The following OR1S1 variants were observed in gnomAD, a reference collection of about 807,000 sequenced individuals.
OR1S1 encodes the protein olfactory receptor family 1 subfamily S member 1, also known as olfactory receptor 1S1.
For missense variants in OR1S1, 411 were observed against 367.5 expected (o/e 1.12, Z -0.97); for synonymous variants, 156 against 143.9 (o/e 1.08, Z -0.60).
exon 2 of OR1S1, chr11:58,215,678 G>A (rs1852928891): frequency 6.2e-7 from 1 of 1,613,574 alleles, no homozygotes; most frequent in African/African-American, 1.3e-5. Flanking sequence ...GGATATGAAA[G>A]GTGCCCTGAG....
intron 1 of OR1S1, among the ~76,000 whole-genome samples, chr11:58,214,301 T>A (rs1200884635): frequency 6.6e-6 from 1 of 152,202 alleles, no homozygotes; most frequent in Non-Finnish European, 1.5e-5. Context: ...TACACTGCCA[T>A]AGTGATTCCT....
chr11:58,214,781 A>T, exon 2 of OR1S1: 1 of 1,613,908 alleles, frequency 6.2e-7, no homozygotes, highest in Non-Finnish European at 8.5e-7. Context: ...GATCGGCAGA[A>T]ATATGCATCA....
intron 1 of OR1S1, among the ~76,000 whole-genome samples, chr11:58,213,720 A>G (rs1342415608): frequency 2.0e-5 from 3 of 152,176 alleles, no homozygotes; most frequent in African/African-American, 7.2e-5. Flanking sequence ...TGTGCCTTAT[A>G]TGTGGCAGGC....
chr11:58,215,428 C>T, exon 2 of OR1S1: 1 of 1,614,158 alleles, frequency 6.2e-7, no homozygotes. Context: ...CACTCAGCTT[C>T]TTTTCCTATG....
At position 58,215,141 on chromosome 11, in the gene OR1S1, T is replaced by C. The variant is rs778131817; in HGVS notation, c.358T>C (p.Tyr120His). 3.0e-5 allele frequency: 48 copies of C among 1,614,068 alleles called. No individual in the cohort carries two copies. The highest frequency in any genetic ancestry group is 4.1e-5 in the Non-Finnish European group (48 of 1,180,018). ...CAATTTGCTCTTGGGGACCATGGCC[T>C]ATGACCACTTTGTGGCGATCTGCCA... Residue 120 changes from tyrosine (Y) to histidine (H), a missense_variant, in exon 2 of 2, where the codon TAT becomes CAT. Tyr to His is a moderately conservative substitution (Grantham distance 83). Transcript: ENST00000641544.
exon 2 of OR1S1, chr11:58,215,475 C>T (rs202009940): frequency 8.9e-5 from 144 of 1,614,112 alleles, no homozygotes; most frequent in Non-Finnish European, 1.2e-4. Context: ...GTATCTTCCA[C>T]ACAGGGAAAG....
Position 58,215,218 on chromosome 11 carries a change from A to G in OR1S1, c.435A>G (p.Thr145=), listed in dbSNP as rs1852918512. The G allele has an allele frequency of 2.5e-6, 4 of 1,613,978 alleles. No homozygotes were observed. The South Asian group carries it at 4.4e-5, about 18-fold the overall frequency. ...GGCCCAGGTTCGGCATTTTGCTCAC[A>G]GTCATCTCATGGTTCCTCAGTAATA... is the stretch of plus-strand genomic sequence containing the variant. Residue 145 remains threonine (T), a synonymous_variant, in exon 2 of 2, where the codon ACA becomes ACG. Coordinates refer to ENST00000641544, the Ensembl canonical transcript of OR1S1.
intron 1 of OR1S1, among the ~76,000 whole-genome samples, chr11:58,213,911 T>C (rs533614842): frequency 2.6e-5 from 4 of 152,308 alleles, no homozygotes; most frequent in Admixed American, 2.6e-4. Context: ...GATAGGCTGT[T>C]TCTGGATTGG....
chr11:58,215,934 A>T (rs564565199), exon 2 of OR1S1: 31 of 579,080 alleles, frequency 5.4e-5, no homozygotes, highest in Middle Eastern at 4.5e-4. Flanking sequence ...AATAACACGC[A>T]TCCTTAGAGA....
At chr11:58,212,813 C>T (rs1160522195) in exon 1 of OR1S1, 1 of 152,208 alleles carries the variant, frequency 6.6e-6, no homozygotes, top group African/African-American at 2.4e-5. Context: ...CTTAAGAATT[C>T]AGAACAATTT....
At position 58,214,727 on chromosome 11, in the gene OR1S1, A is replaced by C. The variant is rs760191004; in HGVS notation, c.-55-2A>C. Reference sequence around the variant, plus strand: ...GGCTGCAGCCAAATGATACCATGTTAGGTTTTCTTGTAGGAATATGAAGAC... The same window carrying C: ...GGCTGCAGCCAAATGATACCATGTTCGGTTTTCTTGTAGGAATATGAAGAC... On this transcript the variant is annotated splice_acceptor_variant, in intron 1 of 1. Coordinates refer to ENST00000641544, the Ensembl canonical transcript of OR1S1. LOFTEE classifies it low-confidence loss of function (5UTR_SPLICE). 1.9e-6 allele frequency: 3 copies of C among 1,607,762 alleles called. No homozygotes were observed. Among genetic ancestry groups the C allele is most frequent in the Non-Finnish European group, 2.6e-6 (3 of 1,175,828 alleles).
At chr11:58,214,556 A>T (rs1195283024) in intron 1 of OR1S1, among the ~76,000 whole-genome samples, 173 bp from the exon 2 acceptor site, 1 of 152,230 alleles carries the variant, frequency 6.6e-6, no homozygotes, top group Non-Finnish European at 1.5e-5. Flanking sequence ...GTTAGAGTTT[A>T]AAACAGTTTT....
intron 1 of OR1S1, among the ~76,000 whole-genome samples, chr11:58,214,335 C>T (rs527915291): frequency 7.2e-5 from 11 of 152,206 alleles, no homozygotes; most frequent in African/African-American, 2.6e-4. Context: ...GTTTACTTCC[C>T]CAAACTCTTC....
exon 2 of OR1S1, chr11:58,215,525 G>T (rs1406631321): frequency 2.5e-6 from 4 of 1,613,974 alleles, no homozygotes; most frequent in African/African-American, 1.3e-5. Flanking sequence ...CCTGACAGTT[G>T]TATTACTGTT....
At chr11:58,215,834 C>T in exon 2 of OR1S1, 1 of 1,360,582 alleles carries the variant, frequency 7.3e-7, no homozygotes, top group Non-Finnish European at 1.0e-6. Context: ...AGGTATCTGT[C>T]TCCTATTCCA....
At chr11:58,213,462 A>G (rs1243373373) in intron 1 of OR1S1, among the ~76,000 whole-genome samples, 1 of 152,220 alleles carries the variant, frequency 6.6e-6, no homozygotes, top group Non-Finnish European at 1.5e-5. Flanking sequence ...AATTCAAAGC[A>G]TGGGTCCTCC....
intron 1 of OR1S1, among the ~76,000 whole-genome samples, chr11:58,213,183 A>T (rs958111483): frequency 1.3e-5 from 2 of 152,220 alleles, no homozygotes; most frequent in Non-Finnish European, 2.9e-5. Flanking sequence ...TTTGAGAGAT[A>T]AGTGATGTTG....
At chr11:58,215,060 T>C in exon 2 of OR1S1, 2 of 1,614,174 alleles carry the variant, frequency 1.2e-6, no homozygotes, top group Non-Finnish European at 1.7e-6. Flanking sequence ...TCAATCCATC[T>C]CTTATGAGAG....
intron 1 of OR1S1, 127 bp from the exon 2 acceptor site, chr11:58,214,602 A>G (rs150689898): frequency 1.5e-6 from 1 of 687,592 alleles, no homozygotes; most frequent in Non-Finnish European, 2.4e-6. Flanking sequence ...TCTTTTTCTA[A>G]GGCATTTTCC....
Sources: allele counts gnomAD v4.1 joint callset (sites outside exome capture counted in the v4.1 genomes callset), GRCh38; gene constraint gnomAD v4.1.1; transcripts MANE v1.5; gene names NCBI Gene and HGNC (gene_info 2026-07-23, HGNC 2026-07-21).